ACCSL: variants seen among roughly 807,000 people sequenced by gnomAD.
ACCSL encodes 1-aminocyclopropane-1-carboxylate synthase homolog (inactive) like, also known as probable inactive 1-aminocyclopropane-1-carboxylate synthase-like protein 2.
In ACCSL, 55 loss-of-function variants were observed where a neutral mutation model predicts 61.7. That is an observed-to-expected ratio of 0.89 (90% CI 0.72 to 1.12). The LOEUF is 1.12. ACCSL is among the 50% of genes most tolerant of loss of function. The probability of loss-of-function intolerance (pLI) is 0.00; values close to 1 mark genes in which losing one functional copy is unlikely to be tolerated. For synonymous variants in ACCSL, 258 were observed against 264.3 expected (o/e 0.98, Z 0.23); for missense variants, 632 against 698.0 (o/e 0.91, Z 1.07).
chr11:43,957,986 G>A, the ACCSL span, among the ~76,000 whole-genome samples: 1 of 152,200 alleles, frequency 6.6e-6, no homozygotes, highest in East Asian at 1.9e-4. Flanking sequence ...AGACCTAACT[G>A]ACCCATCTTG....
At chr11:43,991,833 C>T in the ACCSL span, among the ~76,000 whole-genome samples, 1 of 151,944 alleles carries the variant, frequency 6.6e-6, no homozygotes, top group East Asian at 1.9e-4. Flanking sequence ...TCCCCCAAAG[C>T]CCACCAGCCC....
upstream of ACCSL, chr11:44,047,980 G>T (rs1952609783): frequency 5.8e-6 from 9 of 1,561,406 alleles, no homozygotes; most frequent in Non-Finnish European, 7.8e-6. Flanking sequence ...ATTGTCAATG[G>T]TCTCTTTCTC....
chr11:43,950,787 G>A, the ACCSL span, among the ~76,000 whole-genome samples: 1 of 152,206 alleles, frequency 6.6e-6, no homozygotes, highest in African/African-American at 2.4e-5. Context: ...AGTCAGGAGT[G>A]ATCACCTTGG....
chr11:43,926,114 T>A, the ACCSL span, among the ~76,000 whole-genome samples: 2 of 151,910 alleles, frequency 1.3e-5, no homozygotes, highest in African/African-American at 4.8e-5. Flanking sequence ...ATGGCCAAAA[T>A]GAAAATTGTG....
the ACCSL span, among the ~76,000 whole-genome samples, chr11:43,996,442 G>A: frequency 6.6e-6 from 1 of 152,180 alleles, no homozygotes; most frequent in African/African-American, 2.4e-5. Context: ...TGGTGAGGAT[G>A]GGGCAGATGG....
intron 13 of ACCSL, 74 bp from the exon 14 acceptor site, chr11:44,059,764 C>A: frequency 8.0e-7 from 1 of 1,256,324 alleles, no homozygotes; most frequent in Non-Finnish European, 1.1e-6. Context: ...TTGACCATGA[C>A]CTGGGTATGT....
At chr11:43,984,734 C>T in the ACCSL span, among the ~76,000 whole-genome samples, 3 of 152,252 alleles carry the variant, frequency 2.0e-5, no homozygotes, top group Non-Finnish European at 4.4e-5. Context: ...CCTCGTAGGA[C>T]AATGTTGCAC....
the ACCSL span, chr11:43,943,149 C>T: frequency 6.7e-7 from 1 of 1,501,858 alleles, no homozygotes. This position sits in a 1 kb window ranked among gnomAD's most constrained non-coding sequence, Gnocchi z 4.8. Context: ...GCCAAGAAGT[C>T]GTTCCTGCAG....
chr11:44,046,215 T>C (rs746541055), upstream of ACCSL, among the ~76,000 whole-genome samples: 10 of 152,360 alleles, frequency 6.6e-5, no homozygotes, highest in Middle Eastern at 6.8e-3. Context: ...TAAACACTTA[T>C]ATTTGTTCAA....
At chr11:44,000,744 A>AGAAAGAAAGAAT in the ACCSL span, among the ~76,000 whole-genome samples, 18 of 151,838 alleles carry the variant, frequency 1.2e-4, no homozygotes, top group Non-Finnish European at 2.4e-4. Flanking sequence ...AAAGAAAGAA[A>AGAAAGAAAGAAT]GAAAGAAAAT....
the ACCSL span, among the ~76,000 whole-genome samples, chr11:43,982,532 C>T: frequency 6.6e-6 from 1 of 152,112 alleles, no homozygotes; most frequent in Non-Finnish European, 1.5e-5. Context: ...CTAACCTTTT[C>T]TCACACAACA....
At chr11:43,998,269 T>A in the ACCSL span, among the ~76,000 whole-genome samples, 1 of 152,208 alleles carries the variant, frequency 6.6e-6, no homozygotes, top group African/African-American at 2.4e-5. Context: ...CTTCCTGAAC[T>A]CCTGGAGGGC....
chr11:43,939,867 A>G, the ACCSL span, among the ~76,000 whole-genome samples: 1 of 152,266 alleles, frequency 6.6e-6, no homozygotes, highest in East Asian at 1.9e-4. Context: ...TTGGCCTCCC[A>G]AAGTTCTGGG....
At chr11:43,951,629 C>G in the ACCSL span, among the ~76,000 whole-genome samples, 7 of 152,138 alleles carry the variant, frequency 4.6e-5, no homozygotes, top group Non-Finnish European at 8.8e-5. Context: ...CCAAAGCAAC[C>G]CCCAAAGAGG....
the ACCSL span, among the ~76,000 whole-genome samples, chr11:43,941,899 T>TC: frequency 6.6e-6 from 1 of 152,090 alleles, no homozygotes; most frequent in African/African-American, 2.4e-5. Flanking sequence ...TAGTGCCATA[T>TC]CCAAGTGTCA....
At chr11:44,056,368 A>T in intron 11 of ACCSL, 42 bp downstream of exon 11, 1 of 1,589,720 alleles carries the variant, frequency 6.3e-7, no homozygotes. Flanking sequence ...GCTGGACCTC[A>T]TGGCCATGGG....
chr11:44,013,433 C>T, the ACCSL span, among the ~76,000 whole-genome samples: 1 of 152,096 alleles, frequency 6.6e-6, no homozygotes, highest in African/African-American at 2.4e-5. Flanking sequence ...GTGCCCACCA[C>T]CATGCCTGGC....
chr11:43,957,081 T>A, the ACCSL span, among the ~76,000 whole-genome samples: 1 of 152,164 alleles, frequency 6.6e-6, no homozygotes, highest in Non-Finnish European at 1.5e-5. Flanking sequence ...CCAAAAAGTA[T>A]CTGAGATAGG....
the ACCSL span, among the ~76,000 whole-genome samples, chr11:43,996,407 G>A: frequency 8.5e-5 from 13 of 152,150 alleles, no homozygotes; most frequent in African/African-American, 2.2e-4. Context: ...AGATTGCCAC[G>A]CTCTGTTAAC....
Sources: allele counts gnomAD v4.1 joint callset (sites outside exome capture counted in the v4.1 genomes callset), GRCh38; gene constraint gnomAD v4.1.1; non-coding constraint Gnocchi (gnomAD v3.1); transcripts MANE v1.5; gene names NCBI Gene and HGNC (gene_info 2026-07-23, HGNC 2026-07-21).